Variants in PGAP6 observed in about 807,000 individuals in gnomAD.
PGAP6 encodes post-GPI attachment to proteins factor 6.
PGAP6 carries 62 observed loss-of-function variants against 68.4 expected under a neutral mutation model. That is an observed-to-expected ratio of 0.91 (90% CI 0.74 to 1.12). The LOEUF (loss-of-function observed/expected upper bound fraction) is 1.12. Ranked by LOEUF, PGAP6 falls within the 50% of genes most tolerant of loss-of-function variation. The pLI is 0.00. For synonymous variants in PGAP6, 575 were observed against 474.0 expected (o/e 1.21, Z -2.77); for missense variants, 1,188 against 1,068.5 (o/e 1.11, Z -1.56).
At chr16:373,849 T>C (rs532204730) in intron 11 of PGAP6, among the ~76,000 whole-genome samples, 156 bp downstream of exon 11, 6 of 152,190 alleles carry the variant, frequency 3.9e-5, no homozygotes, top group Admixed American at 6.5e-5. Flanking sequence ...GGCCTAGGGA[T>C]TACAGGTGTG....
At position 376,372 on chromosome 16, in the gene PGAP6, ACAG is replaced by A; in HGVS notation, c.985_987del (p.Leu329del). The A allele has an allele frequency of 1.2e-6, 2 of 1,611,288 alleles. No individual in the cohort carries two copies. Among genetic ancestry groups the A allele is most frequent in the South Asian group, 2.2e-5 (2 of 91,016 alleles). ...AGGTCCTGGTGGTCGGGGCTCGGGG[ACAG>A]CAGACCAGAGGAGGCATTGAAGCTC... On this transcript the variant is annotated inframe_deletion, in exon 6 of 13. Transcript: ENST00000431232.
intron 4 of PGAP6, 43 bp from the exon 5 acceptor site, chr16:376,855 C>T (rs748143563): frequency 1.4e-5 from 22 of 1,596,694 alleles, no homozygotes; most frequent in Non-Finnish European, 1.8e-5. Flanking sequence ...TGCCATTCCT[C>T]AGCCCAGGGA....
At chr16:380,988 G>T (rs1000029973) in intron 1 of PGAP6, among the ~76,000 whole-genome samples, 1 of 152,242 alleles carries the variant, frequency 6.6e-6, no homozygotes, top group African/African-American at 2.4e-5. Flanking sequence ...AGGCCTGACG[G>T]TCTCCACACC....
rs951274472 is a variant in PGAP6, at chr16:371,427, G to A, written c.*560C>T. The A allele has an allele frequency of 1.3e-5, 2 of 154,096 alleles. No individual in the cohort carries two copies. Among genetic ancestry groups the A allele is most frequent in the African/African-American group, 4.8e-5 (2 of 41,448 alleles). The allele number at this position is 154,096 out of a possible 1,614,324, so 9.5% of individuals were successfully genotyped here. A position where few individuals can be genotyped will look rare whatever the true frequency, so the allele number is the denominator to read the frequency against. ...CGGGGCGGGAGCCTGCATCCCCAGT[G>A]CCCATCAGCTCTGGGGGAAACCTCC... is the stretch of plus-strand genomic sequence containing the variant. On this transcript the variant is annotated 3_prime_UTR_variant, in exon 13 of 13. Transcript: ENST00000431232.
chr16:385,968 T>G (rs2054482484), upstream of PGAP6, among the ~76,000 whole-genome samples: 1 of 152,156 alleles, frequency 6.6e-6, no homozygotes, highest in Non-Finnish European at 1.5e-5. Context: ...TATAAATGTG[T>G]CTTCAGAAGG....
chr16:374,678 C>T, intron 9 of PGAP6, 78 bp downstream of exon 9: 1 of 1,577,832 alleles, frequency 6.3e-7, no homozygotes, highest in South Asian at 1.2e-5. Context: ...TGCGGCGCTC[C>T]CCCAGGGGAA....
chr16:372,794 TACCCCACG>T (rs2054346901), intron 11 of PGAP6, 67 bp from the exon 12 acceptor site: 3 of 1,169,194 alleles, frequency 2.6e-6, no homozygotes. Flanking sequence ...GGAGCACGCG[TACCCCACG>T]GCCCCACAGC....
Position 377,082 on chromosome 16 carries a change from T to C in PGAP6, c.590A>G (p.Asp197Gly). ...GAGGAGGGTCTGAGGAAGGGGCACG[T>C]CCGGCTCCATGATGGAAATCTCGAC... Reference protein sequence around the residue: ...RVVEISIMEPDVPLPQTLLSH... With the variant: ...RVVEISIMEPGVPLPQTLLSH... The change falls in exon 4 of 13, where the codon GAC (aspartate) becomes GGC (glycine). Residue 197 changes from aspartate to glycine, a missense_variant. Asp to Gly is a moderately conservative substitution (Grantham distance 94). Transcript: ENST00000431232. 1 of 1,613,404 alleles carries C rather than the reference T, an allele frequency of 6.2e-7. No individual in the cohort carries two copies. The highest frequency in any genetic ancestry group is 8.5e-7 in the Non-Finnish European group (1 of 1,179,966).
At chr16:379,908 T>G (rs1405665314) in intron 1 of PGAP6, among the ~76,000 whole-genome samples, 2 of 152,180 alleles carry the variant, frequency 1.3e-5, no homozygotes, top group Non-Finnish European at 2.9e-5. Context: ...GCCCCCTGCC[T>G]GCCCCACAGC....
chr16:372,376 G>T (rs2054342750), intron 12 of PGAP6, 93 bp from the exon 13 acceptor site: 2 of 1,379,992 alleles, frequency 1.4e-6, no homozygotes, highest in Non-Finnish European at 2.0e-6. Context: ...GGCCTGCCCA[G>T]GTCTGGGCAG....
rs866209219 is a variant in PGAP6 at position 378,284 on chromosome 16, C to A, written c.122-436G>T. ...CGCACTGCCATCCCCACCCACACTG[C>A]CATCGCCACCCGCACTGCCATCGCC... On this transcript the variant is annotated intron_variant, in intron 1 of 12. Coordinates refer to ENST00000431232, the MANE Select transcript of PGAP6 (RefSeq NM_021259.3). Among the ~76,000 whole-genome samples the A allele has an allele frequency of 2.3e-3, 307 of 134,236 alleles. 22 individuals are homozygous for A. The highest frequency in any genetic ancestry group is 7.7e-3 in the Middle Eastern group (2 of 260). 88.1% of individuals were successfully genotyped at this position (134,236 alleles called of 152,430 possible).
rs1013740420 is a variant in PGAP6, at chr16:381,718, C to T, written c.104G>A (p.Gly35Asp). The change falls in exon 1 of 13, where the codon GGC becomes GAC. Residue 35 changes from glycine to aspartate, a missense_variant. Coordinates refer to ENST00000431232, the MANE Select transcript of PGAP6 (RefSeq NM_021259.3). ...LLARPPPASA[G>D]YSGKSEVGLV... ...CCGCTCACCGCTCTTCCCGCTGTAG[C>T]CGGCGGAGGCAGGCGGGGGCCGGGC... 81 of 1,211,408 alleles carry T rather than the reference C, an allele frequency of 6.7e-5. No individual in the cohort carries two copies. The highest frequency in any genetic ancestry group is 7.9e-5 in the Non-Finnish European group (77 of 974,070). 75.0% of individuals were successfully genotyped at this position (1,211,408 alleles called of 1,614,324 possible). A position where few individuals can be genotyped will look rare whatever the true frequency, so the allele number is the denominator to read the frequency against.
In PGAP6 at chr16:376,762, C is replaced by A; in HGVS notation, c.686G>T (p.Cys229Phe). ...TRELLLELRD[C>F]VSNGSLGCPV... ...GCAGCCCAGGCTCCCATTGGACACGCAGTCCCGCAGCTCCAGCAGAAGCTC... is the reference window on the plus strand; with the variant it reads ...GCAGCCCAGGCTCCCATTGGACACGAAGTCCCGCAGCTCCAGCAGAAGCTC... The change falls in exon 5 of 13, where the codon TGC (cysteine) becomes TTC (phenylalanine). Residue 229 changes from cysteine to phenylalanine, a missense_variant. Cys to Phe is a radical substitution (Grantham distance 205). Transcript: ENST00000431232. 6.2e-7 allele frequency: 1 copy of A among 1,610,910 alleles called. No homozygotes were observed.
At chr16:378,376 ATCGCCACCCTGACTGC>A (rs2054409416) in intron 1 of PGAP6, among the ~76,000 whole-genome samples, 3 of 103,610 alleles carry the variant, frequency 2.9e-5, no homozygotes, top group African/African-American at 4.2e-5. Flanking sequence ...CCGCACTGCC[ATCGCCACCCTGACTGC>A]CATCGCCACC....
rs2054365671 is a variant in PGAP6 at position 374,749 on chromosome 16, C to G, written c.1576+7G>C. ...CGTCTCGGGGCGGGCGGGGCCCTGG[C>G]ACTCACCTGCCTTGCAGCTGCAGCT... On this transcript the variant is annotated splice_region_variant and intron_variant, in intron 9 of 12. Transcript: ENST00000431232. 1 of 1,612,074 alleles carries G rather than the reference C, an allele frequency of 6.2e-7. No homozygotes were observed.
chr16:381,023 T>G (rs2054432781), intron 1 of PGAP6, among the ~76,000 whole-genome samples: 1 of 152,244 alleles, frequency 6.6e-6, no homozygotes, highest in African/African-American at 2.4e-5. Flanking sequence ...GTGGAAGGGC[T>G]ACGCCTTCTC....
rs1419976333 is a variant in PGAP6 at position 378,366 on chromosome 16, C to T, written c.122-518G>A. 5.0e-4 allele frequency among the ~76,000 whole-genome samples: 56 copies of T among 112,612 alleles called. 2 individuals are homozygous for T. Among genetic ancestry groups the T allele is most frequent in the Middle Eastern group, 5.0e-3 (1 of 202 alleles). 73.9% of individuals were successfully genotyped at this position (112,612 alleles called of 152,430 possible). On this transcript the variant is annotated intron_variant, in intron 1 of 12. Transcript: ENST00000431232. ...TCGCCACTCTGACTGCCATCCCCAC[C>T]CGCACTGCCATCGCCACCCTGACTG...
At chr16:384,570 A>G (rs767235779), upstream of PGAP6, among the ~76,000 whole-genome samples, 25 of 152,180 alleles carry the variant, frequency 1.6e-4, no homozygotes, top group Admixed American at 3.9e-4. Flanking sequence ...AATGTAATGG[A>G]GAGGGCCGGG....
Position 377,368 on chromosome 16 carries a change from C to G in PGAP6, c.507+10G>C, listed in dbSNP as rs1219422045. On this transcript the variant is annotated intron_variant, in intron 3 of 12. Transcript: ENST00000431232. ...TCTCTGCCTCCATCCCGGAGGGCAG[C>G]CCCCCTCACCTTCAACTCGATCTTC... 1.9e-6 allele frequency: 3 copies of G among 1,578,078 alleles called. No homozygotes were observed. The highest frequency in any genetic ancestry group is 2.3e-5 in the South Asian group (2 of 88,090).
Sources: gnomAD v4.1 joint callset for allele counts (sites outside exome capture counted in the v4.1 genomes callset) on GRCh38, gnomAD v4.1.1 for gene constraint, MANE v1.5 for transcripts, NCBI Gene and HGNC (gene_info 2026-07-23, HGNC 2026-07-21) for gene names.